Variants in LHPP observed in about 807,000 individuals in gnomAD.
LHPP encodes phospholysine phosphohistidine inorganic pyrophosphate phosphatase.
Under a neutral mutation model 30.3 loss-of-function variants are expected in LHPP, and 24 were observed. The observed-to-expected ratio is 0.79, with a 90% CI of 0.57 to 1.11. The LOEUF is 1.11. LHPP is among the 50% of genes most tolerant of loss of function. The pLI is 0.00. For synonymous variants in LHPP, 150 were observed against 157.1 expected, an observed-to-expected ratio of 0.95 and a Z score of 0.34; for missense variants, 356 against 367.2, an observed-to-expected ratio of 0.97 and a Z score of 0.25.
At chr10:124,500,473 AAGTAAT>A (rs1313886937) in intron 5 of LHPP, among the ~76,000 whole-genome samples, 2 of 151,938 alleles carry the variant, frequency 1.3e-5, no homozygotes, top group Non-Finnish European at 2.9e-5. Flanking sequence ...CTCTATTTCC[AAGTAAT>A]AGTAATAGTA....
At chr10:124,481,219 GAGAC>G (rs1414043409) in intron 1 of LHPP, among the ~76,000 whole-genome samples, 3 of 151,956 alleles carry the variant, frequency 2.0e-5, no homozygotes, top group Non-Finnish European at 4.4e-5. Context: ...AAAACTGACA[GAGAC>G]AGGGCGGAGG....
chr10:124,500,922 C>T (rs532954667), intron 5 of LHPP, among the ~76,000 whole-genome samples: 3 of 151,942 alleles, frequency 2.0e-5, no homozygotes, highest in Admixed American at 6.6e-5. Context: ...AACTGAAACA[C>T]GTGTTCAAAC....
chr10:124,571,874 A>T (rs1270450734), intron 6 of LHPP, among the ~76,000 whole-genome samples: 2 of 152,234 alleles, frequency 1.3e-5, no homozygotes, highest in Non-Finnish European at 2.9e-5. Flanking sequence ...GAGGATGAGA[A>T]GGGCTGTCAT....
At chr10:124,605,866 G>A (rs566340842) in intron 6 of LHPP, among the ~76,000 whole-genome samples, 4 of 152,114 alleles carry the variant, frequency 2.6e-5, no homozygotes, top group African/African-American at 9.6e-5. Flanking sequence ...AAGGGGAAGG[G>A]AACAGGCTTC....
At chr10:124,564,125 A>AT (rs1462469799) in intron 6 of LHPP, among the ~76,000 whole-genome samples, 432 of 123,912 alleles carry the variant, frequency 3.5e-3, no homozygotes, top group Middle Eastern at 9.9e-3. Context: ...TTAAAAAAAA[A>AT]TTTTTTTTTT....
intron 6 of LHPP, among the ~76,000 whole-genome samples, chr10:124,569,112 A>G (rs1009465854): frequency 6.6e-6 from 1 of 152,132 alleles, no homozygotes; most frequent in Non-Finnish European, 1.5e-5. Flanking sequence ...CTCCACATGC[A>G]CACTGCCTGG....
At chr10:124,586,821 G>C (rs1422241459) in intron 6 of LHPP, among the ~76,000 whole-genome samples, 1 of 152,160 alleles carries the variant, frequency 6.6e-6, no homozygotes, top group African/African-American at 2.4e-5. Context: ...ACCTTCCCTG[G>C]ATTAAGAGTA....
intron 6 of LHPP, among the ~76,000 whole-genome samples, chr10:124,559,545 T>C (rs4962381): frequency 0.99 from 151,362 of 152,388 alleles, 75,181 homozygotes; most frequent in East Asian, 1. Flanking sequence ...GAAATGGAGG[T>C]CACCACCCTG....
chr10:124,610,828 T>C (rs1169934674), intron 6 of LHPP, among the ~76,000 whole-genome samples: 1 of 5,460 alleles, frequency 1.8e-4, no homozygotes. Flanking sequence ...CGGGTGAGGG[T>C]GAGGGTGAGG....
intron 6 of LHPP, among the ~76,000 whole-genome samples, chr10:124,529,287 G>A (rs1372074703): frequency 2.0e-5 from 3 of 151,388 alleles, no homozygotes; most frequent in Non-Finnish European, 2.9e-5. Flanking sequence ...TGCCCACCTC[G>A]GCCTCCCAAA....
chr10:124,592,347 G>A lies in LHPP; in HGVS notation c.717-20917G>A, dbSNP rs959393238. The stretch of plus-strand genomic sequence containing the variant: ...CCCTCACTCACCCAGCCCCGGGCTG[G>A]CCCTGTCAGCTCTCGAACTGCAGCA... On this transcript the variant is annotated intron_variant, in intron 6 of 6. Transcript: ENST00000368842. The surrounding 1 kb of genome is among the most constrained non-coding windows in gnomAD (Gnocchi z 6.2). Among the ~76,000 whole-genome samples the A allele has an allele frequency of 6.6e-6, 1 of 152,124 alleles. No individual in the cohort carries two copies.
rs549012859 is a variant in LHPP, at chr10:124,516,405, C to T, written c.625-775C>T. On this transcript the variant is annotated intron_variant, in intron 5 of 6. Coordinates refer to ENST00000368842, the MANE Select transcript of LHPP (RefSeq NM_022126.4). The stretch of plus-strand genomic sequence containing the variant: ...CAGGCCCTGTCTCCAAATACAGTCA[C>T]GCTGCGGGCTAGTGAATTTGTGGGG... Among the ~76,000 whole-genome samples, 12 of 152,336 alleles carry T rather than the reference C, an allele frequency of 7.9e-5. No homozygotes were observed. In the East Asian group the frequency reaches 9.6e-4, roughly 12 times the overall value.
intron 6 of LHPP, among the ~76,000 whole-genome samples, chr10:124,587,298 G>C (rs946076296): frequency 2.0e-5 from 3 of 151,608 alleles, no homozygotes; most frequent in African/African-American, 4.8e-5. Context: ...GCCTCCCAAA[G>C]TGCTGGGATT....
chr10:124,479,509 C>T (rs1953060556), intron 1 of LHPP, among the ~76,000 whole-genome samples: 1 of 152,226 alleles, frequency 6.6e-6, no homozygotes, highest in African/African-American at 2.4e-5. Context: ...GGGACTTCAA[C>T]AGCAGACGTT....
intron 6 of LHPP, among the ~76,000 whole-genome samples, chr10:124,601,970 G>A (rs1247337599): frequency 6.6e-6 from 1 of 152,186 alleles, no homozygotes; most frequent in Non-Finnish European, 1.5e-5. Context: ...AGGTCCCGTT[G>A]ACCTCCATGT....
chr10:124,551,824 G>A (rs1292354298), intron 6 of LHPP, among the ~76,000 whole-genome samples: 1 of 152,158 alleles, frequency 6.6e-6, no homozygotes, highest in Non-Finnish European at 1.5e-5. Context: ...GAGCAGGGCT[G>A]CCACCTCTGA....
chr10:124,591,040 G>C (rs952251708), intron 6 of LHPP, among the ~76,000 whole-genome samples: 30 of 152,218 alleles, frequency 2.0e-4, no homozygotes, highest in African/African-American at 7.0e-4. Flanking sequence ...TGTGTGGGGA[G>C]TGCAGAGCAG....
At chr10:124,533,478 C>A (rs1218729552) in intron 6 of LHPP, among the ~76,000 whole-genome samples, 1 of 152,228 alleles carries the variant, frequency 6.6e-6, no homozygotes, top group Non-Finnish European at 1.5e-5. Context: ...GACCTTGTGG[C>A]AGTCAGTGTC....
chr10:124,568,213 T>C (rs1948523462), intron 6 of LHPP, among the ~76,000 whole-genome samples: 1 of 152,316 alleles, frequency 6.6e-6, no homozygotes, highest in African/African-American at 2.4e-5. Flanking sequence ...CATGCCCGGC[T>C]GGTTCTTATT....
Sources: gnomAD v4.1 joint callset for allele counts (sites outside exome capture counted in the v4.1 genomes callset) on GRCh38, gnomAD v4.1.1 for gene constraint, Gnocchi (gnomAD v3.1) non-coding constraint, MANE v1.5 for transcripts, NCBI Gene and HGNC (gene_info 2026-07-23, HGNC 2026-07-21) for gene names.